The following GLI3 variants were observed in gnomAD, a reference collection of about 807,000 sequenced individuals.
GLI3 encodes GLI family zinc finger 3.
A neutral mutation model predicts 100.8 loss-of-function variants in GLI3; 20 were observed. The observed-to-expected ratio is 0.20, with a 90% CI of 0.14 to 0.29. GLI3 has a LOEUF of 0.29. Ranked by LOEUF, GLI3 falls within the 10% of genes least tolerant of loss-of-function variation. GLI3 has a pLI of 1.00. For synonymous variants in GLI3, 938 were observed against 860.5 expected (o/e 1.09, Z -1.58); for missense variants, 2,040 against 2,128.5 (o/e 0.96, Z 0.82).
chr7:41,988,096 C>A (rs1787879086), intron 10 of GLI3, among the ~76,000 whole-genome samples: 1 of 152,128 alleles, frequency 6.6e-6, no homozygotes, highest in African/African-American at 2.4e-5. Flanking sequence ...CTTAAGGGCC[C>A]TGCTATGGTC....
At chr7:41,984,074 G>A (rs1321168483) in intron 10 of GLI3, among the ~76,000 whole-genome samples, 1 of 152,208 alleles carries the variant, frequency 6.6e-6, no homozygotes, top group Non-Finnish European at 1.5e-5. Context: ...GGCAGAAGGT[G>A]CTTCTTTCTT....
rs144471995 is a variant in GLI3, at chr7:42,167,282, G to A, written c.125-18814C>T. Among the ~76,000 whole-genome samples the A allele has an allele frequency of 2.6e-5, 4 of 152,222 alleles. No homozygotes were observed. The South Asian group carries it at 6.2e-4, about 24-fold the overall frequency. ...AACGAAAATAAACAAACAGATTAAG[G>A]ACAAGACAAATGGACACAAACTACC... On this transcript the variant is annotated intron_variant, in intron 2 of 14. Transcript: ENST00000395925.
chr7:42,092,807 T>TTATTTATTTATTTATTTATTTATG (rs1562724963), intron 3 of GLI3, among the ~76,000 whole-genome samples: 5 of 138,682 alleles, frequency 3.6e-5, no homozygotes, highest in African/African-American at 1.4e-4. Flanking sequence ...ATTTATTTAT[T>TTATTTATTTATTTATTTATTTATG]TATTTATGTA....
chr7:42,005,860 G>A (rs537206540), intron 10 of GLI3, among the ~76,000 whole-genome samples: 16 of 152,320 alleles, frequency 1.1e-4, no homozygotes, highest in African/African-American at 2.6e-4. Flanking sequence ...GTTAGTGAGA[G>A]GAGTTGAGGA....
intron 1 of GLI3, among the ~76,000 whole-genome samples, 189 bp downstream of exon 1, chr7:42,236,782 G>A (rs1255804318): frequency 2.0e-5 from 3 of 152,226 alleles, no homozygotes; most frequent in African/African-American, 7.2e-5. Context: ...CCTTCCAGGA[G>A]GAGGGAGCGA....
At chr7:42,094,655 A>G (rs1378348914) in intron 3 of GLI3, among the ~76,000 whole-genome samples, 1 of 152,032 alleles carries the variant, frequency 6.6e-6, no homozygotes, top group Non-Finnish European at 1.5e-5. Context: ...AATTGCTTGA[A>G]TCTGGGAGGC....
chr7:42,093,254 C>T (rs1276929168), intron 3 of GLI3, among the ~76,000 whole-genome samples: 1 of 151,900 alleles, frequency 6.6e-6, no homozygotes. Context: ...TGGCACATGC[C>T]TGTAATCCCA....
intron 3 of GLI3, among the ~76,000 whole-genome samples, chr7:42,112,744 G>A (rs1441270536): frequency 2.0e-5 from 3 of 152,110 alleles, no homozygotes; most frequent in Non-Finnish European, 4.4e-5. Context: ...GGCTAGAAAC[G>A]TGTTCTCCCT....
chr7:41,965,317 CGGG>C lies in GLI3; in HGVS notation c.3753_3755del (p.Pro1252del). The C allele has an allele frequency of 1.2e-6, 2 of 1,613,932 alleles. No homozygotes were observed. Among genetic ancestry groups the C allele is most frequent in the Non-Finnish European group, 1.7e-6 (2 of 1,179,914 alleles). The stretch of plus-strand genomic sequence containing the variant: ...GCCTGTTGAGACAGTTCCCATACTG[CGGG>C]GCCTTACAGGGCTGTTCATGGAAGG... On this transcript the variant is annotated inframe_deletion, in exon 15 of 15. Coordinates refer to ENST00000395925, the MANE Select transcript of GLI3 (RefSeq NM_000168.6).
At chr7:42,242,467 A>G (rs1022284766), upstream of GLI3, among the ~76,000 whole-genome samples, 5 of 152,214 alleles carry the variant, frequency 3.3e-5, no homozygotes, top group East Asian at 5.8e-4. Context: ...CATCAAACAC[A>G]TCACAGCAAA....
chr7:42,130,825 T>C (rs1432680380), intron 3 of GLI3, among the ~76,000 whole-genome samples: 2 of 152,172 alleles, frequency 1.3e-5, no homozygotes, highest in Non-Finnish European at 1.5e-5. Flanking sequence ...AAAACACATC[T>C]AGGTACATAC....
chr7:42,128,870 G>A (rs1786200959), intron 3 of GLI3, among the ~76,000 whole-genome samples: 1 of 152,186 alleles, frequency 6.6e-6, no homozygotes, highest in African/African-American at 2.4e-5. Flanking sequence ...AGATGAGGAA[G>A]CCAGTCCAGT....
At chr7:42,091,557 G>A (rs531440157) in intron 3 of GLI3, among the ~76,000 whole-genome samples, 14 of 152,344 alleles carry the variant, frequency 9.2e-5, no homozygotes, top group South Asian at 4.1e-4. Context: ...GCCATCCACC[G>A]GCCTGCTGTC....
At chr7:42,123,544 A>G (rs960093613) in intron 3 of GLI3, among the ~76,000 whole-genome samples, 5 of 152,252 alleles carry the variant, frequency 3.3e-5, no homozygotes, top group East Asian at 1.9e-4. Flanking sequence ...TTGTTAATTC[A>G]GTTTAGGCAC....
chr7:42,128,468 G>A (rs1405992362), intron 3 of GLI3, among the ~76,000 whole-genome samples: 1 of 152,154 alleles, frequency 6.6e-6, no homozygotes, highest in Admixed American at 6.5e-5. Context: ...ACTGTCTTTG[G>A]AAAGCTGCCT....
Position 42,223,227 on chromosome 7 carries a change from C to T in GLI3, c.27G>A (p.Thr9=). The change falls in exon 2 of 15, where the codon ACG becomes ACA. Residue 9 remains threonine (T), a synonymous_variant. Transcript: ENST00000395925. MEAQSHSS[T]TTEKKKVENS... The stretch of plus-strand genomic sequence containing the variant: ...TCTCAACTTTTTTCTTTTCAGTGGT[C>T]GTGGAGCTGTGGGACTGGGCCTCCA... 6.2e-7 allele frequency: 1 copy of T among 1,613,408 alleles called. No homozygotes were observed. Among genetic ancestry groups the T allele is most frequent in the Non-Finnish European group, 8.5e-7 (1 of 1,179,666 alleles).
At chr7:42,110,066 A>G (rs963638582) in intron 3 of GLI3, among the ~76,000 whole-genome samples, 1 of 152,216 alleles carries the variant, frequency 6.6e-6, no homozygotes, top group Non-Finnish European at 1.5e-5. Flanking sequence ...AAGAATCATG[A>G]CTGATGCCTG....
chr7:42,020,179 G>A (rs376982922), intron 10 of GLI3, among the ~76,000 whole-genome samples: 1 of 152,204 alleles, frequency 6.6e-6, no homozygotes, highest in South Asian at 2.1e-4. Context: ...AGTACATGGA[G>A]TGCATTACAG....
intron 1 of GLI3, among the ~76,000 whole-genome samples, chr7:42,263,780 G>T (rs1789171872): frequency 6.6e-6 from 1 of 152,100 alleles, no homozygotes; most frequent in South Asian, 2.1e-4. Context: ...TCCCCTAGCT[G>T]TATGCTGCAG....
Sources: allele counts gnomAD v4.1 joint callset (sites outside exome capture counted in the v4.1 genomes callset), GRCh38; gene constraint gnomAD v4.1.1; transcripts MANE v1.5; gene names NCBI Gene and HGNC (gene_info 2026-07-23, HGNC 2026-07-21).